Variants in PLCXD3 observed in about 807,000 individuals in gnomAD.
PLCXD3 encodes the protein phosphatidylinositol specific phospholipase C X domain containing 3.
PLCXD3 carries 19 observed loss-of-function variants against 25.5 expected under a neutral mutation model. The observed-to-expected ratio is 0.75, with a 90% CI of 0.52 to 1.09. The LOEUF (loss-of-function observed/expected upper bound fraction) is 1.09, where lower values mean the gene tolerates loss of function less well. Ranked by LOEUF, PLCXD3 falls within the 50% of genes least tolerant of loss-of-function variation. PLCXD3 has a pLI of 0.00. For synonymous variants in PLCXD3, 174 were observed against 137.6 expected, an observed-to-expected ratio of 1.26 and a Z score of -1.85; for missense variants, 411 against 388.1, an observed-to-expected ratio of 1.06 and a Z score of -0.50.
In PLCXD3 at chr5:41,311,498, C is replaced by A. The variant is rs544010105; in HGVS notation, c.*2119G>T. The A allele has an allele frequency of 4.6e-5, 7 of 152,034 alleles. No homozygotes were observed. The highest frequency in any genetic ancestry group is 1.0e-4 in the Non-Finnish European group (7 of 67,976). 9.4% of individuals were successfully genotyped at this position (152,034 alleles called of 1,614,324 possible). ...AATTATTTAATATTATCAATGTCTT[C>A]ATTTGAAAAGAAGAATTGTACTGTG... On this transcript the variant is annotated 3_prime_UTR_variant, in exon 3 of 3. Coordinates refer to ENST00000377801, the MANE Select transcript of PLCXD3 (RefSeq NM_001005473.3).
chr5:41,314,862 A>G (rs186515359), intron 2 of PLCXD3, among the ~76,000 whole-genome samples: 2 of 152,306 alleles, frequency 1.3e-5, no homozygotes, highest in African/African-American at 4.8e-5. Flanking sequence ...TTTCACTATA[A>G]GAGCTCATTC....
intron 1 of PLCXD3, among the ~76,000 whole-genome samples, chr5:41,446,748 G>T (rs1747513900): frequency 6.6e-6 from 1 of 152,108 alleles, no homozygotes; most frequent in Admixed American, 6.5e-5. Flanking sequence ...GCCCAGGGGT[G>T]TATGGCAGTG....
At chr5:41,507,999 G>T (rs372698434) in intron 1 of PLCXD3, among the ~76,000 whole-genome samples, 1 of 152,144 alleles carries the variant, frequency 6.6e-6, no homozygotes, top group African/African-American at 2.4e-5. Flanking sequence ...TTTAAACCTG[G>T]TTTTTTATAT....
chr5:41,509,088 GAGGGACTGATCAATGGCAGC>G (rs904074461), intron 1 of PLCXD3, among the ~76,000 whole-genome samples: 7 of 152,190 alleles, frequency 4.6e-5, no homozygotes, highest in African/African-American at 1.7e-4. Flanking sequence ...CCATTGATTT[GAGGGACTGATCAATGGCAGC>G]ACTCTTGGTT....
At chr5:41,369,415 A>G (rs1265243177) in intron 2 of PLCXD3, among the ~76,000 whole-genome samples, 1 of 152,186 alleles carries the variant, frequency 6.6e-6, no homozygotes, top group Non-Finnish European at 1.5e-5. Flanking sequence ...TAAACTCTTG[A>G]AAATGAACCA....
intron 2 of PLCXD3, among the ~76,000 whole-genome samples, chr5:41,373,953 T>G (rs1475366384): frequency 6.6e-6 from 1 of 152,030 alleles, no homozygotes; most frequent in Non-Finnish European, 1.5e-5. Context: ...GAGTGCTACT[T>G]TTTGGAAATC....
intron 1 of PLCXD3, among the ~76,000 whole-genome samples, chr5:41,490,428 A>G (rs1748636566): frequency 6.6e-6 from 1 of 152,144 alleles, no homozygotes; most frequent in South Asian, 2.1e-4. Flanking sequence ...AGGCTTTGGT[A>G]TCAGGATGAT....
intron 1 of PLCXD3, among the ~76,000 whole-genome samples, chr5:41,434,164 T>C (rs1450971342): frequency 6.6e-6 from 1 of 152,160 alleles, no homozygotes; most frequent in Non-Finnish European, 1.5e-5. Context: ...CTATATATCT[T>C]TGTTTATCCT....
intron 1 of PLCXD3, among the ~76,000 whole-genome samples, chr5:41,426,459 T>C (rs1746959026): frequency 2.6e-5 from 4 of 152,218 alleles, no homozygotes; most frequent in Admixed American, 2.6e-4. Context: ...TTATTTCTCT[T>C]TTTTACTTCT....
At chr5:41,501,661 A>G (rs1748953416) in intron 1 of PLCXD3, among the ~76,000 whole-genome samples, 1 of 152,096 alleles carries the variant, frequency 6.6e-6, no homozygotes, top group African/African-American at 2.4e-5. Context: ...ATATACTTAA[A>G]ATTTTAAGAT....
At chr5:41,325,390 G>C (rs2150471574) in intron 2 of PLCXD3, among the ~76,000 whole-genome samples, 1 of 152,248 alleles carries the variant, frequency 6.6e-6, no homozygotes, top group South Asian at 2.1e-4. Context: ...ATTAAAACTA[G>C]CAAATGCTAC....
intron 2 of PLCXD3, among the ~76,000 whole-genome samples, chr5:41,332,291 A>G (rs1304399682): frequency 6.6e-6 from 1 of 152,206 alleles, no homozygotes. Context: ...AAGGACATGA[A>G]CAGATACTTC....
chr5:41,370,206 T>G (rs1745051849), intron 2 of PLCXD3, among the ~76,000 whole-genome samples: 1 of 152,218 alleles, frequency 6.6e-6, no homozygotes, highest in East Asian at 1.9e-4. Flanking sequence ...CATTCTTGTC[T>G]AATTATTGTT....
intron 1 of PLCXD3, among the ~76,000 whole-genome samples, chr5:41,486,213 C>T (rs1748514291): frequency 6.6e-6 from 1 of 151,900 alleles, no homozygotes; most frequent in Admixed American, 6.6e-5. Flanking sequence ...GTGAATCTTC[C>T]CTGTGTTTCT....
intron 1 of PLCXD3, among the ~76,000 whole-genome samples, chr5:41,465,665 A>G (rs1412375698): frequency 6.6e-6 from 1 of 151,850 alleles, no homozygotes; most frequent in Non-Finnish European, 1.5e-5. Context: ...ATCTCCAACT[A>G]CTGCATATTC....
chr5:41,453,353 GT>G (rs1435788246), intron 1 of PLCXD3, among the ~76,000 whole-genome samples: 9 of 149,666 alleles, frequency 6.0e-5, no homozygotes, highest in Admixed American at 6.0e-4. Context: ...CCCATTCTCT[GT>G]CTTTTTTTTT....
intron 1 of PLCXD3, among the ~76,000 whole-genome samples, chr5:41,433,254 A>G (rs1227527681): frequency 6.6e-6 from 1 of 152,096 alleles, no homozygotes; most frequent in Admixed American, 6.6e-5. Context: ...CAAAGCCTAC[A>G]CTCTAAGTGA....
intron 1 of PLCXD3, among the ~76,000 whole-genome samples, chr5:41,390,136 T>C (rs1248569556): frequency 6.6e-6 from 1 of 152,182 alleles, no homozygotes; most frequent in Non-Finnish European, 1.5e-5. Context: ...TTCTTTTCCT[T>C]AGATGATATA....
rs143005632 is a variant in PLCXD3, at chr5:41,505,010, C to A, written c.103+5414G>T. Among the ~76,000 whole-genome samples, 103 of 152,248 alleles carry A rather than the reference C, an allele frequency of 6.8e-4. No homozygotes were observed. The East Asian group carries it at 0.016, about 23-fold the overall frequency. On this transcript the variant is annotated intron_variant, in intron 1 of 2. Coordinates refer to ENST00000377801, the MANE Select transcript of PLCXD3 (RefSeq NM_001005473.3). ...GTTAGTCTTCCCTCATAAATATTCCCTATTTTCATTACTGATTTATGGCAC... is the reference window on the plus strand; with the variant it reads ...GTTAGTCTTCCCTCATAAATATTCCATATTTTCATTACTGATTTATGGCAC...
Sources: gnomAD v4.1 joint callset for allele counts (sites outside exome capture counted in the v4.1 genomes callset) on GRCh38, gnomAD v4.1.1 for gene constraint, MANE v1.5 for transcripts, NCBI Gene and HGNC (gene_info 2026-07-23, HGNC 2026-07-21) for gene names.